Variants in ALDH8A1 observed in about 807,000 individuals in gnomAD.
ALDH8A1 encodes the protein aldehyde dehydrogenase 8 family member A1, also known as 2-aminomuconic semialdehyde dehydrogenase.
ALDH8A1 carries 39 observed loss-of-function variants against 43.3 expected under a neutral mutation model. The ratio of observed to expected loss-of-function variants is 0.90; its 90% CI spans 0.70 to 1.18. The LOEUF is 1.18. Ranked by LOEUF, ALDH8A1 falls within the 50% of genes most tolerant of loss-of-function variation. The pLI is 0.00. For synonymous variants in ALDH8A1, 233 were observed against 243.5 expected (o/e 0.96, Z 0.40); for missense variants, 605 against 622.6 (o/e 0.97, Z 0.30).
rs142675040 is a variant in ALDH8A1, at chr6:134,917,866, G to A, written c.*549C>T. 1,294 of 154,244 alleles carry A rather than the reference G, an allele frequency of 8.4e-3. 44 individuals carry two copies. The highest frequency in any genetic ancestry group is 0.07 in the Admixed American group (1,090 of 15,576). 9.6% of individuals were successfully genotyped at this position (154,244 alleles called of 1,614,324 possible). A position where few individuals can be genotyped will look rare whatever the true frequency, so the allele number is the denominator to read the frequency against. On this transcript the variant is annotated 3_prime_UTR_variant, in exon 7 of 7. Coordinates refer to ENST00000265605, the MANE Select transcript of ALDH8A1 (RefSeq NM_022568.4). ...CAGCCTCAACCGCCTGGGCTCAAGC[G>A]ATCCTCCCACCTCAGCCTCCCAAGT...
Position 134,943,925 on chromosome 6 carries a change from G to C in ALDH8A1, c.180C>G (p.Ser60Arg), listed in dbSNP as rs1773906436. Reference sequence around the variant, plus strand: ...GCTCCTGGGGGCTGCGGGATGACCAGCTGGGAAAGGCTTCTCTGGCGGCCT... The same window carrying C: ...GCTCCTGGGGGCTGCGGGATGACCACCTGGGAAAGGCTTCTCTGGCGGCCT... ...AVKAAREAFP[S>R]WSSRSPQERS... Residue 60 changes from serine (S) to arginine (R), a missense_variant, in exon 2 of 7, where the codon AGC becomes AGG. By Grantham distance (110) the Ser-to-Arg change is moderately radical. Transcript: ENST00000265605. The C allele has an allele frequency of 6.2e-7, 1 of 1,614,148 alleles. No homozygotes were observed. The highest frequency in any genetic ancestry group is 2.2e-5 in the East Asian group (1 of 44,884).
chr6:134,946,205 A>G (rs1218950998), intron 1 of ALDH8A1, among the ~76,000 whole-genome samples: 1 of 152,210 alleles, frequency 6.6e-6, no homozygotes, highest in East Asian at 1.9e-4. Flanking sequence ...CATCTTAATT[A>G]GAAATTTCTA....
chr6:134,945,129 G>A (rs1256578579), intron 1 of ALDH8A1, among the ~76,000 whole-genome samples: 2 of 151,678 alleles, frequency 1.3e-5, no homozygotes, highest in Non-Finnish European at 2.9e-5. Context: ...TTTATATAAG[G>A]GAATATGCTA....
chr6:134,932,825 T>G lies in ALDH8A1; in HGVS notation c.800A>C (p.Asn267Thr). The G allele has an allele frequency of 6.2e-7, 1 of 1,614,232 alleles. No individual in the cohort carries two copies. The highest frequency in any genetic ancestry group is 8.5e-7 in the Non-Finnish European group (1 of 1,180,044). Residue 267 changes from asparagine to threonine, a missense_variant, in exon 5 of 7, where the codon AAC (asparagine) becomes ACC (threonine). By Grantham distance (65) the Asn-to-Thr change is moderately conservative. Transcript: ENST00000265605. ...GGTTGCCGGAATGCACTCATCCAGGTTGGCGTCCTCAAAGATGATGGCAGG... is the reference window on the plus strand; with the variant it reads ...GGTTGCCGGAATGCACTCATCCAGGGTGGCGTCCTCAAAGATGATGGCAGG... ...KNPAIIFEDA[N>T]LDECIPATVR...
chr6:134,933,116 A>G, intron 4 of ALDH8A1, 84 bp from the exon 5 acceptor site: 4 of 1,401,562 alleles, frequency 2.9e-6, no homozygotes, highest in South Asian at 1.6e-5. Context: ...TTAAAGTCCA[A>G]TCGCTTGAAT....
In ALDH8A1 at chr6:134,942,353, G is replaced by T. The variant is rs200001006; in HGVS notation, c.442+56C>A. 486 of 1,492,446 alleles carry T rather than the reference G, an allele frequency of 3.3e-4. 2 individuals carry two copies. The highest frequency in any genetic ancestry group is 3.1e-3 in the Middle Eastern group (15 of 4,810). The allele number at this position is 1,492,446 out of a possible 1,614,324, so 92.5% of individuals were successfully genotyped here. On this transcript the variant is annotated intron_variant, in intron 3 of 6. Coordinates refer to ENST00000265605, the MANE Select transcript of ALDH8A1 (RefSeq NM_022568.4). ...TTCCTTGAGGACAATGCCATAGAATGTTGTGAGCATCTGCAAGCATAACCG... is the reference window on the plus strand; with the variant it reads ...TTCCTTGAGGACAATGCCATAGAATTTTGTGAGCATCTGCAAGCATAACCG...
At chr6:134,939,217 A>T in intron 4 of ALDH8A1, 49 bp downstream of exon 4, 1 of 1,602,020 alleles carries the variant, frequency 6.2e-7, no homozygotes, top group Non-Finnish European at 8.5e-7. Flanking sequence ...TATAAACTAT[A>T]GGTTTGCTCC....
Position 134,942,380 on chromosome 6 carries a change from G to C in ALDH8A1, c.442+29C>G. 6 of 1,558,542 alleles carry C rather than the reference G, an allele frequency of 3.8e-6. No individual in the cohort carries two copies. The South Asian group carries it at 7.1e-5, about 18-fold the overall frequency. On this transcript the variant is annotated intron_variant, in intron 3 of 6. Coordinates refer to ENST00000265605, the MANE Select transcript of ALDH8A1 (RefSeq NM_022568.4). Reference sequence around the variant, plus strand: ...TGTGAGCATCTGCAAGCATAACCGGGAGGTGGGCTCTCACTGAACAGCACT... The same window carrying C: ...TGTGAGCATCTGCAAGCATAACCGGCAGGTGGGCTCTCACTGAACAGCACT...
At chr6:134,934,992 CTCCCATA>C (rs1462728243) in intron 4 of ALDH8A1, among the ~76,000 whole-genome samples, 1 of 152,116 alleles carries the variant, frequency 6.6e-6, no homozygotes, top group East Asian at 1.9e-4. Flanking sequence ...TTCATGACTC[CTCCCATA>C]TCCTACTGAA....
At chr6:134,936,068 C>T (rs751502768) in intron 4 of ALDH8A1, among the ~76,000 whole-genome samples, 2 of 152,150 alleles carry the variant, frequency 1.3e-5, no homozygotes, top group African/African-American at 2.4e-5. Flanking sequence ...TTTCCCACCT[C>T]AGCCTCCTAA....
At chr6:134,941,991 G>A (rs534005257) in intron 3 of ALDH8A1, among the ~76,000 whole-genome samples, 4 of 152,074 alleles carry the variant, frequency 2.6e-5, no homozygotes, top group Middle Eastern at 6.8e-3. Flanking sequence ...AGGCCGAGGC[G>A]GGAGGATAAC....
rs781011096 is a variant in ALDH8A1, at chr6:134,932,857, G to GC, written c.767dup (p.Lys257GlnfsTer8). On this transcript the variant is annotated frameshift_variant, in exon 5 of 7. Transcript: ENST00000265605. LOFTEE classifies it high-confidence loss of function. ...CCTCAAAGATGATGGCAGGATTCTT[G>GC]CCCCCCAGCTCCAGGGAGAGCTTTT... 3.1e-6 allele frequency: 5 copies of GC among 1,614,174 alleles called. No individual in the cohort carries two copies. Among genetic ancestry groups the GC allele is most frequent in the African/African-American group, 2.7e-5 (2 of 75,040 alleles).
At chr6:134,948,135 GAAGT>G (rs1199166528) in intron 1 of ALDH8A1, among the ~76,000 whole-genome samples, 1 of 152,154 alleles carries the variant, frequency 6.6e-6, no homozygotes. Context: ...TACGTTAAGT[GAAGT>G]AAGCAAGGCA....
At chr6:134,921,325 C>T (rs1260723165) in intron 6 of ALDH8A1, among the ~76,000 whole-genome samples, 1 of 152,204 alleles carries the variant, frequency 6.6e-6, no homozygotes, top group African/African-American at 2.4e-5. Context: ...CCAGAATTCT[C>T]TCCATATAGT....
At chr6:134,947,890 C>G (rs1478691524) in intron 1 of ALDH8A1, among the ~76,000 whole-genome samples, 3 of 151,668 alleles carry the variant, frequency 2.0e-5, no homozygotes, top group Admixed American at 6.6e-5. Flanking sequence ...TCCAGCAATC[C>G]CACTACTGGA....
chr6:134,924,913 G>T (rs751374151), intron 6 of ALDH8A1, among the ~76,000 whole-genome samples: 1 of 152,168 alleles, frequency 6.6e-6, no homozygotes, highest in South Asian at 2.1e-4. Flanking sequence ...CATTCCAAAT[G>T]TGAATGATGT....
chr6:134,924,300 A>C (rs1395067996), intron 6 of ALDH8A1, among the ~76,000 whole-genome samples: 1 of 152,190 alleles, frequency 6.6e-6, no homozygotes, highest in Non-Finnish European at 1.5e-5. Flanking sequence ...CTTGCCTGAT[A>C]ACAAAAACTA....
At chr6:134,949,499 CTTGT>C (rs1774006927) in intron 1 of ALDH8A1, among the ~76,000 whole-genome samples, 1 of 151,892 alleles carries the variant, frequency 6.6e-6, no homozygotes, top group African/African-American at 2.4e-5. Flanking sequence ...CAGTTTTTTG[CTTGT>C]TTGTTTATTT....
rs370051762 is a variant in ALDH8A1, at chr6:134,932,830, G to A, written c.795C>T (p.Asp265=). 113 of 1,614,118 alleles carry A rather than the reference G, an allele frequency of 7.0e-5. No individual in the cohort carries two copies. Among genetic ancestry groups the A allele is most frequent in the Non-Finnish European group, 8.7e-5 (103 of 1,180,056 alleles). The part of the protein sequence containing the change: ...GGKNPAIIFE[D]ANLDECIPAT... ...CCGGAATGCACTCATCCAGGTTGGC[G>A]TCCTCAAAGATGATGGCAGGATTCT... Residue 265 remains aspartate, a synonymous_variant, in exon 5 of 7, where the codon GAC becomes GAT. Coordinates refer to ENST00000265605, the MANE Select transcript of ALDH8A1 (RefSeq NM_022568.4).
Sources: allele counts gnomAD v4.1 joint callset (sites outside exome capture counted in the v4.1 genomes callset), GRCh38; gene constraint gnomAD v4.1.1; transcripts MANE v1.5; gene names NCBI Gene and HGNC (gene_info 2026-07-23, HGNC 2026-07-21).